The following GSE1 variants were observed in gnomAD, a reference collection of about 807,000 sequenced individuals.
GSE1 encodes genetic suppressor element 1.
Under a neutral mutation model 112.6 loss-of-function variants are expected in GSE1, and 32 were observed. The observed-to-expected ratio is 0.28, with a 90% CI of 0.21 to 0.38. The LOEUF (loss-of-function observed/expected upper bound fraction) is 0.38, where lower values mean the gene tolerates loss of function less well. GSE1 is among the 10% of genes least tolerant of loss of function. The pLI, the probability that GSE1 is intolerant of heterozygous loss-of-function variation, is 1.00. For synonymous variants in GSE1, 1,115 were observed against 735.6 expected (o/e 1.52, Z -8.35); for missense variants, 2,348 against 1,699.2 (o/e 1.38, Z -6.71).
intron 1 of GSE1, among the ~76,000 whole-genome samples, chr16:85,630,848 G>A (rs996722209): frequency 1.3e-5 from 2 of 152,128 alleles, no homozygotes; most frequent in East Asian, 1.9e-4. Flanking sequence ...CCATCTGTAC[G>A]CTAGGCCTCT....
At chr16:85,622,189 C>G (rs2048783349) in intron 1 of GSE1, among the ~76,000 whole-genome samples, 1 of 152,182 alleles carries the variant, frequency 6.6e-6, no homozygotes, top group Non-Finnish European at 1.5e-5. Flanking sequence ...TCCAGGACTC[C>G]TGGCGCATGA....
At position 85,656,577 on chromosome 16, in the gene GSE1, C is replaced by A. The variant is rs1303915188; in HGVS notation, c.1224C>A (p.Phe408Leu). 1.9e-6 allele frequency: 3 copies of A among 1,547,684 alleles called. No homozygotes were observed. Among genetic ancestry groups the A allele is most frequent in the East Asian group, 4.9e-5 (2 of 40,860 alleles). Residue 408 changes from phenylalanine to leucine, a missense_variant, in exon 7 of 16, where the codon TTC becomes TTA. Phe to Leu is a conservative substitution (Grantham distance 22, BLOSUM62 0). Transcript: ENST00000253458. The part of the protein sequence containing the change: ...LLAAKALEPS[F>L]LPVAELHGLR... ...CCGCCAAGGCCCTGGAGCCCAGCTTCCTGCCCGTGGCCGAGCTGCATGGGC... is the reference window on the plus strand; with the variant it reads ...CCGCCAAGGCCCTGGAGCCCAGCTTACTGCCCGTGGCCGAGCTGCATGGGC...
At chr16:85,324,228 G>A (rs922731552) in intron 1 of GSE1, among the ~76,000 whole-genome samples, 2 of 152,196 alleles carry the variant, frequency 1.3e-5, no homozygotes, top group African/African-American at 4.8e-5. Context: ...AAACATCGGT[G>A]GCCGGGCACA....
chr16:85,587,933 C>T (rs952296913), intron 1 of GSE1, among the ~76,000 whole-genome samples: 2 of 152,192 alleles, frequency 1.3e-5, no homozygotes, highest in Non-Finnish European at 2.9e-5. Context: ...CCCTGCCTTG[C>T]CGGGCTGGTT....
At chr16:85,510,231 A>G (rs1426851822) in intron 2 of GSE1, among the ~76,000 whole-genome samples, 1 of 152,190 alleles carries the variant, frequency 6.6e-6, no homozygotes, top group Non-Finnish European at 1.5e-5. Flanking sequence ...CTGGGGGCTG[A>G]ATTTCCATTT....
rs575134116 is a variant in GSE1 at position 85,311,752 on chromosome 16, C to T, written c.2284-45711C>T. On this transcript the variant is annotated intron_variant, in intron 1 of 2. Coordinates refer to the GSE1 transcript ENST00000637419. The surrounding 1 kb of genome is among the most constrained non-coding windows in gnomAD (Gnocchi z 4.2). ...CTTAGGACCTGAGGTGGTGCAGGCT[C>T]TCCAGGGACATCTGTCCCACCTGCC... Among the ~76,000 whole-genome samples the T allele has an allele frequency of 1.9e-3, 287 of 152,248 alleles. No individual in the cohort carries two copies. Among genetic ancestry groups the T allele is most frequent in the Non-Finnish European group, 3.2e-3 (215 of 67,982 alleles).
chr16:85,523,722 A>C (rs944948026), intron 2 of GSE1, among the ~76,000 whole-genome samples: 5 of 152,164 alleles, frequency 3.3e-5, no homozygotes, highest in African/African-American at 1.2e-4. Flanking sequence ...CTCCCCGAAC[A>C]CTGGGAGACA....
At chr16:85,208,831 C>CACT (rs2075168594) in intron 1 of GSE1, among the ~76,000 whole-genome samples, 1 of 106,984 alleles carries the variant, frequency 9.3e-6, no homozygotes, top group African/African-American at 3.2e-5. Context: ...TGGGGTTCGT[C>CACT]TGTGTTGGCG....
intron 2 of GSE1, among the ~76,000 whole-genome samples, chr16:85,402,807 T>G (rs982453528): frequency 5.3e-5 from 8 of 151,510 alleles, no homozygotes; most frequent in Non-Finnish European, 7.4e-5. Context: ...CCCAGTTACT[T>G]GGGAGGCTGG....
At chr16:85,210,177 G>A (rs1313792835) in intron 1 of GSE1, among the ~76,000 whole-genome samples, 1 of 152,200 alleles carries the variant, frequency 6.6e-6, no homozygotes, top group African/African-American at 2.4e-5. Flanking sequence ...AAGGGTTTGA[G>A]AAACACTGGC....
At chr16:85,201,799 C>G (rs530131657) in intron 1 of GSE1, among the ~76,000 whole-genome samples, 2 of 152,310 alleles carry the variant, frequency 1.3e-5, no homozygotes, top group Non-Finnish European at 2.9e-5. Context: ...AGCCGCGTAG[C>G]CTTTTGTCTG....
At chr16:85,328,467 C>T (rs922528295) in intron 1 of GSE1, among the ~76,000 whole-genome samples, 2 of 152,256 alleles carry the variant, frequency 1.3e-5, no homozygotes, top group African/African-American at 4.8e-5. Context: ...GGCCTTCCCC[C>T]GCCCGCCTAG....
chr16:85,564,969 A>T (rs2045676300), intron 1 of GSE1, among the ~76,000 whole-genome samples: 1 of 151,852 alleles, frequency 6.6e-6, no homozygotes, highest in Admixed American at 6.6e-5. Context: ...TGGCCAGGGG[A>T]TGGTGAAGTG....
intron 1 of GSE1, among the ~76,000 whole-genome samples, chr16:85,238,614 G>T (rs1360293082): frequency 6.6e-6 from 1 of 152,174 alleles, no homozygotes; most frequent in Non-Finnish European, 1.5e-5. Context: ...CTCCCCCTTG[G>T]AGGAGCCAGG....
At chr16:85,520,073 G>T (rs1333528175) in intron 2 of GSE1, among the ~76,000 whole-genome samples, 1 of 152,176 alleles carries the variant, frequency 6.6e-6, no homozygotes, top group Non-Finnish European at 1.5e-5. Context: ...AGACCAGGTG[G>T]CTTAACAACC....
At chr16:85,382,950 C>T (rs965222838) in intron 2 of GSE1, among the ~76,000 whole-genome samples, 1 of 151,006 alleles carries the variant, frequency 6.6e-6, no homozygotes, top group Non-Finnish European at 1.5e-5. Context: ...CGTACACATG[C>T]ACACACGTGC....
chr16:85,630,212 A>G (rs1007443292), intron 1 of GSE1, among the ~76,000 whole-genome samples: 3 of 152,160 alleles, frequency 2.0e-5, no homozygotes, highest in African/African-American at 7.2e-5. Context: ...GAAGGAGGTG[A>G]TCTTACCTTG....
intron 1 of GSE1, among the ~76,000 whole-genome samples, chr16:85,204,937 G>A (rs59955889): frequency 6.6e-6 from 1 of 152,188 alleles, no homozygotes; most frequent in African/African-American, 2.4e-5. Context: ...TGCAGTTGAA[G>A]CCCCTGGGCC....
At position 85,419,751 on chromosome 16, in the gene GSE1, C is replaced by T. The variant is rs1004364604; in HGVS notation, c.2464+62108C>T. Reference sequence around the variant, plus strand: ...TCTCTAAAAACCCCTCTGATGCCTGCCTCCCCCGCCCCGCCCCCACCCCTC... The same window carrying T: ...TCTCTAAAAACCCCTCTGATGCCTGTCTCCCCCGCCCCGCCCCCACCCCTC... On this transcript the variant is annotated intron_variant, in intron 2 of 2. Transcript: ENST00000637419. This position sits in a 1 kb window ranked among gnomAD's most constrained non-coding sequence, Gnocchi z 6.5. 6.6e-6 allele frequency among the ~76,000 whole-genome samples: 1 copy of T among 152,052 alleles called. No individual in the cohort carries two copies. The highest frequency in any genetic ancestry group is 6.5e-5 in the Admixed American group (1 of 15,270).
Sources: allele counts gnomAD v4.1 joint callset (sites outside exome capture counted in the v4.1 genomes callset), GRCh38; gene constraint gnomAD v4.1.1; non-coding constraint Gnocchi (gnomAD v3.1); transcripts MANE v1.5; gene names NCBI Gene and HGNC (gene_info 2026-07-23, HGNC 2026-07-21).